Variants in DIABLO observed in about 807,000 individuals in gnomAD.
DIABLO encodes diablo IAP-binding mitochondrial protein.
Under a neutral mutation model 31.7 loss-of-function variants are expected in DIABLO, and 32 were observed. The observed-to-expected ratio is 1.01, with a 90% CI of 0.76 to 1.35. DIABLO has a LOEUF of 1.35. DIABLO is among the 40% of genes most tolerant of loss of function. DIABLO has a pLI of 0.00. For missense variants in DIABLO, 316 were observed against 286.4 expected (o/e 1.10, Z -0.75); for synonymous variants, 132 against 103.2 (o/e 1.28, Z -1.69).
At chr12:122,213,595 T>C (rs931152362) in intron 5 of DIABLO, among the ~76,000 whole-genome samples, 1 of 152,148 alleles carries the variant, frequency 6.6e-6, no homozygotes, top group Non-Finnish European at 1.5e-5. Context: ...ATAATGCTTA[T>C]ACATCCCCTC....
intron 5 of DIABLO, among the ~76,000 whole-genome samples, chr12:122,215,280 CAAA>C (rs112216922): frequency 1.4e-5 from 2 of 141,336 alleles, no homozygotes; most frequent in African/African-American, 5.2e-5. Context: ...AACTCTGTCT[CAAA>C]AAAAAAAAAA....
intron 5 of DIABLO, chr12:122,209,625 A>ACTTCACTCCAGC (rs1263072919): frequency 1.6e-6 from 1 of 632,420 alleles, no homozygotes; most frequent in Admixed American, 2.5e-5. Context: ...AGATCGCGCC[A>ACTTCACTCCAGC]CTTCACTCCA....
chr12:122,227,171 C>T (rs1331691154), upstream of DIABLO, among the ~76,000 whole-genome samples: 1 of 152,190 alleles, frequency 6.6e-6, no homozygotes, highest in African/African-American at 2.4e-5. Flanking sequence ...TGGGCTCACC[C>T]CCGCCACCGT....
chr12:122,213,237 TG>T (rs1954127072), intron 5 of DIABLO, among the ~76,000 whole-genome samples: 4 of 152,030 alleles, frequency 2.6e-5, no homozygotes, highest in Middle Eastern at 3.5e-3. Context: ...GTTAAAAAAG[TG>T]AAATCATAAG....
At chr12:122,214,810 G>C (rs1954168739) in intron 5 of DIABLO, among the ~76,000 whole-genome samples, 1 of 152,012 alleles carries the variant, frequency 6.6e-6, no homozygotes, top group Non-Finnish European at 1.5e-5. Context: ...CCACCCCCTG[G>C]GTTCAAGCCA....
upstream of DIABLO, among the ~76,000 whole-genome samples, chr12:122,226,860 C>T (rs1954490519): frequency 6.6e-6 from 1 of 152,248 alleles, no homozygotes; most frequent in African/African-American, 2.4e-5. Flanking sequence ...CCCGCTCCTC[C>T]CACCACCTCC....
intron 2 of DIABLO, chr12:122,221,005 G>A (rs1954323221): frequency 6.6e-6 from 1 of 152,168 alleles, no homozygotes; most frequent in African/African-American, 2.4e-5. Context: ...GCAATGACAT[G>A]GAAGCTCAGA....
intron 5 of DIABLO, among the ~76,000 whole-genome samples, chr12:122,214,086 AAAACAAAC>A (rs893811655): frequency 1.4e-5 from 2 of 139,488 alleles, no homozygotes; most frequent in Non-Finnish European, 3.3e-5. Context: ...CTGTCTCAAA[AAAACAAAC>A]AAACAAAAAA....
chr12:122,215,495 T>C (rs1954188048), intron 5 of DIABLO, among the ~76,000 whole-genome samples: 2 of 152,138 alleles, frequency 1.3e-5, no homozygotes, highest in Admixed American at 6.5e-5. Flanking sequence ...TCCCAGCTAC[T>C]TGGGAGGCTG....
chr12:122,220,249 C>G (rs1954305078), intron 2 of DIABLO, among the ~76,000 whole-genome samples: 1 of 151,878 alleles, frequency 6.6e-6, no homozygotes, highest in Non-Finnish European at 1.5e-5. Context: ...CCCACCCTGA[C>G]CTCAGCTATT....
chr12:122,215,164 T>G (rs937573186), intron 5 of DIABLO, among the ~76,000 whole-genome samples: 1 of 152,116 alleles, frequency 6.6e-6, no homozygotes, highest in African/African-American at 2.4e-5. Flanking sequence ...TGGTGGTGCA[T>G]GCTTGTAATC....
rs573000438 is a variant in DIABLO, at chr12:122,210,236, A to T, written c.524-1659T>A. ...CAGTAGTAAGAGGAGGCTTGTCATT[A>T]CTTTCTTTGCGCTGGTACACTTACA... On this transcript the variant is annotated intron_variant, in intron 5 of 5. Coordinates refer to ENST00000464942, the MANE Select transcript of DIABLO (RefSeq NM_001371333.1). Among the ~76,000 whole-genome samples, 8 of 152,234 alleles carry T rather than the reference A, an allele frequency of 5.3e-5. No individual in the cohort carries two copies. In the East Asian group the frequency reaches 1.5e-3, roughly 29 times the overall value.
chr12:122,226,188 T>A, upstream of DIABLO: 1 of 1,043,182 alleles, frequency 9.6e-7, no homozygotes, highest in Non-Finnish European at 1.4e-6. Flanking sequence ...GGGCAAAGGC[T>A]GTAACGGCCG....
chr12:122,218,186 G>A, intron 3 of DIABLO, 80 bp downstream of exon 3: 1 of 1,500,478 alleles, frequency 6.7e-7, no homozygotes, highest in South Asian at 1.1e-5. Flanking sequence ...ATACCAACAT[G>A]GGTATCAGAC....
At chr12:122,223,390 T>C (rs926160387) in intron 2 of DIABLO, among the ~76,000 whole-genome samples, 2 of 150,064 alleles carry the variant, frequency 1.3e-5, no homozygotes, top group Non-Finnish European at 3.0e-5. Flanking sequence ...GCCAAGATTG[T>C]GCCATTGCAC....
At position 122,216,490 on chromosome 12, in the gene DIABLO, G is replaced by A. The variant is rs766596915; in HGVS notation, c.521C>T (p.Thr174Ile). Reference protein sequence around the residue: ...SEMAAEAAYQTGADQASITAR... With the variant: ...SEMAAEAAYQIGADQASITAR... The stretch of plus-strand genomic sequence containing the variant: ...CCCAACACAAAACTTGAACCTACCA[G>A]TTTGATATGCAGCTTCTGCTGCCAT... The change falls in exon 5 of 6, where the codon ACT becomes ATT. Residue 174 changes from threonine to isoleucine, a missense_variant and splice_region_variant. Transcript: ENST00000464942. The A allele has an allele frequency of 2.5e-6, 4 of 1,613,318 alleles. No individual in the cohort carries two copies. Among genetic ancestry groups the A allele is most frequent in the Middle Eastern group, 1.7e-4 (1 of 6,060 alleles).
upstream of DIABLO, chr12:122,226,338 C>G: frequency 1.7e-6 from 1 of 593,812 alleles, no homozygotes; most frequent in South Asian, 1.6e-5. Flanking sequence ...CGGGCCAGGG[C>G]TTGAAGGGAA....
At chr12:122,214,551 G>A (rs957145133) in intron 5 of DIABLO, among the ~76,000 whole-genome samples, 11 of 151,916 alleles carry the variant, frequency 7.2e-5, no homozygotes, top group African/African-American at 1.2e-4. Flanking sequence ...TCTGCCTCCC[G>A]AGTAGCTGGG....
chr12:122,218,291 A>G lies in DIABLO; in HGVS notation c.290T>C (p.Ile97Thr). 2.5e-6 allele frequency: 4 copies of G among 1,614,150 alleles called. No individual in the cohort carries two copies. Among genetic ancestry groups the G allele is most frequent in the African/African-American group, 1.3e-5 (1 of 75,056 alleles). The change falls in exon 3 of 6, where the codon ATT becomes ACT. Residue 97 changes from isoleucine (I) to threonine (T), a missense_variant. Ile to Thr is a moderately conservative substitution (Grantham distance 89, BLOSUM62 -1). Transcript: ENST00000464942. ...CTTAGTATATTCAGTAATAGCTTCAATCAACGCATATGTGGTCTGAGAGAG... is the reference window on the plus strand; with the variant it reads ...CTTAGTATATTCAGTAATAGCTTCAGTCAACGCATATGTGGTCTGAGAGAG... ...TFLSQTTYAL[I>T]EAITEYTKAV...
Sources: gnomAD v4.1 joint callset for allele counts (sites outside exome capture counted in the v4.1 genomes callset) on GRCh38, gnomAD v4.1.1 for gene constraint, MANE v1.5 for transcripts, NCBI Gene and HGNC (gene_info 2026-07-23, HGNC 2026-07-21) for gene names.